AFG2A: variants seen among roughly 807,000 people sequenced by gnomAD.
AFG2A encodes ATPase family gene 2 protein homolog A.
the AFG2A span, among the ~76,000 whole-genome samples, chr4:123,286,885 A>T: frequency 1.2e-4 from 19 of 152,120 alleles, no homozygotes; most frequent in South Asian, 4.2e-4. Context: ...ATATGTTCAC[A>T]TGGAGTCCCT....
chr4:123,016,579 G>C, the AFG2A span, among the ~76,000 whole-genome samples: 4 of 150,416 alleles, frequency 2.7e-5, no homozygotes, highest in Non-Finnish European at 4.4e-5. Context: ...CCGGGTAGAG[G>C]TGCTCCTCAC....
the AFG2A span, among the ~76,000 whole-genome samples, chr4:123,168,505 G>A: frequency 1.3e-5 from 2 of 151,950 alleles, no homozygotes; most frequent in East Asian, 3.9e-4. Flanking sequence ...TAAAAATGGG[G>A]GAAGTGAGGA....
the AFG2A span, among the ~76,000 whole-genome samples, chr4:123,155,809 A>C: frequency 1.1e-4 from 16 of 152,192 alleles, no homozygotes; most frequent in African/African-American, 3.6e-4. Context: ...TGAATACCAG[A>C]GAATAGTATT....
the AFG2A span, among the ~76,000 whole-genome samples, chr4:123,035,790 A>G: frequency 2.7e-3 from 410 of 152,274 alleles, 2 homozygotes; most frequent in Non-Finnish European, 4.8e-3. Flanking sequence ...GAAAATGACA[A>G]TAAGAACTAT....
At chr4:123,177,678 G>A in the AFG2A span, among the ~76,000 whole-genome samples, 1 of 152,134 alleles carries the variant, frequency 6.6e-6, no homozygotes, top group Non-Finnish European at 1.5e-5. Context: ...TTTAATTTAG[G>A]AAAGAAGAAA....
chr4:122,985,476 G>A, the AFG2A span, among the ~76,000 whole-genome samples: 2 of 152,102 alleles, frequency 1.3e-5, no homozygotes, highest in Admixed American at 6.6e-5. Flanking sequence ...TTATTGGTCT[G>A]TTCAGGGTAC....
At chr4:123,010,938 C>G in the AFG2A span, among the ~76,000 whole-genome samples, 1 of 152,242 alleles carries the variant, frequency 6.6e-6, no homozygotes, top group South Asian at 2.1e-4. Context: ...CAGGGACAAA[C>G]TTTGATGTAA....
chr4:122,972,787 CT>C, the AFG2A span, among the ~76,000 whole-genome samples: 1 of 151,890 alleles, frequency 6.6e-6, no homozygotes, highest in Non-Finnish European at 1.5e-5. Context: ...GAGAACTATA[CT>C]TTATGATTTC....
At chr4:123,016,446 G>T in the AFG2A span, among the ~76,000 whole-genome samples, 2 of 151,138 alleles carry the variant, frequency 1.3e-5, no homozygotes, top group Admixed American at 6.6e-5. Context: ...CCCAGACGGG[G>T]TCGCGGCCGG....
At chr4:123,298,795 T>G in the AFG2A span, among the ~76,000 whole-genome samples, 1 of 152,242 alleles carries the variant, frequency 6.6e-6, no homozygotes, top group African/African-American at 2.4e-5. Context: ...ACCCAAAACT[T>G]AATGTAATCT....
chr4:123,245,066 G>A, the AFG2A span, among the ~76,000 whole-genome samples: 4 of 152,174 alleles, frequency 2.6e-5, no homozygotes, highest in Admixed American at 6.5e-5. Context: ...CATGGCCTGG[G>A]AGTAGACAGG....
At chr4:123,212,124 C>T in the AFG2A span, among the ~76,000 whole-genome samples, 2 of 152,062 alleles carry the variant, frequency 1.3e-5, no homozygotes, top group African/African-American at 4.8e-5. Flanking sequence ...CCTTTTCTTG[C>T]TATGTAGATT....
chr4:123,098,510 A>C, the AFG2A span, among the ~76,000 whole-genome samples: 1 of 151,830 alleles, frequency 6.6e-6, no homozygotes, highest in Non-Finnish European at 1.5e-5. Flanking sequence ...TTTGACCAAT[A>C]TCTTCCCAAC....
the AFG2A span, among the ~76,000 whole-genome samples, chr4:123,199,197 T>C: frequency 2.6e-5 from 4 of 152,082 alleles, no homozygotes; most frequent in African/African-American, 9.7e-5. Context: ...ATGATATAGA[T>C]ACAGATATAG....
the AFG2A span, among the ~76,000 whole-genome samples, chr4:122,987,626 A>G: frequency 6.6e-6 from 1 of 152,018 alleles, no homozygotes; most frequent in African/African-American, 2.4e-5. Flanking sequence ...CTTACATAAA[A>G]CACCTTCTAG....
the AFG2A span, among the ~76,000 whole-genome samples, chr4:122,960,227 T>G: frequency 6.6e-6 from 1 of 152,238 alleles, no homozygotes. Flanking sequence ...CCTTTCTAAT[T>G]AATTAGTTGC....
the AFG2A span, among the ~76,000 whole-genome samples, chr4:122,994,217 A>G: frequency 6.6e-6 from 1 of 152,104 alleles, no homozygotes; most frequent in East Asian, 1.9e-4. Context: ...AGTGAATTTA[A>G]CATTTTTAGA....
At chr4:123,007,642 AAC>A in the AFG2A span, among the ~76,000 whole-genome samples, 12 of 25,516 alleles carry the variant, frequency 4.7e-4, no homozygotes, top group South Asian at 1.9e-3. Context: ...ACACACACAC[AAC>A]ACACACACAC....
the AFG2A span, among the ~76,000 whole-genome samples, chr4:123,042,839 G>T: frequency 1.3e-5 from 2 of 152,032 alleles, no homozygotes; most frequent in Non-Finnish European, 2.9e-5. Context: ...TTCTTGTGCT[G>T]TATTCTGTAT....
Sources: allele counts gnomAD v4.1 joint callset (sites outside exome capture counted in the v4.1 genomes callset), GRCh38; gene constraint gnomAD v4.1.1; transcripts MANE v1.5; gene names NCBI Gene and HGNC (gene_info 2026-07-23, HGNC 2026-07-21).